The following SOS2 variants were observed in gnomAD, a reference collection of about 807,000 sequenced individuals.
The protein encoded by SOS2 is SOS Ras/Rho guanine nucleotide exchange factor 2.
SOS2 carries 65 observed loss-of-function variants against 148.2 expected under a neutral mutation model. That is an observed-to-expected ratio of 0.44 (90% CI 0.36 to 0.54). The LOEUF (loss-of-function observed/expected upper bound fraction) is 0.54, where lower values mean the gene tolerates loss of function less well. SOS2 is among the 20% of genes least tolerant of loss of function. The pLI, the probability that SOS2 is intolerant of heterozygous loss-of-function variation, is 0.00. For missense variants in SOS2, 1,341 were observed against 1,590.2 expected (o/e 0.84, Z 2.67); for synonymous variants, 539 against 537.1 (o/e 1.00, Z -0.05).
At position 50,193,015 on chromosome 14, in the gene SOS2, T is replaced by G. The variant is rs1034253108; in HGVS notation, c.511-4315A>C. ...CTCTCACCTTTTTTTTGGTTTTTTTTGTCCACTGTTGCCCAATGGCACAAT... is the reference window on the plus strand; with the variant it reads ...CTCTCACCTTTTTTTTGGTTTTTTTGGTCCACTGTTGCCCAATGGCACAAT... On this transcript the variant is annotated intron_variant, in intron 4 of 22. Transcript: ENST00000216373. Among the ~76,000 whole-genome samples, 16 of 152,292 alleles carry G rather than the reference T, an allele frequency of 1.1e-4. No homozygotes were observed. In the South Asian group the frequency reaches 1.5e-3, roughly 14 times the overall value.
chr14:50,187,001 A>G (rs909886638), intron 5 of SOS2, among the ~76,000 whole-genome samples: 3 of 152,228 alleles, frequency 2.0e-5, no homozygotes, highest in Non-Finnish European at 4.4e-5. Flanking sequence ...TACAAGATAA[A>G]TAAGACAAAG....
chr14:50,146,640 C>CT (rs1317207577), intron 14 of SOS2, among the ~76,000 whole-genome samples: 1 of 152,094 alleles, frequency 6.6e-6, no homozygotes, highest in Non-Finnish European at 1.5e-5. Flanking sequence ...GAGTGAGACT[C>CT]TGTCTCAAAA....
At chr14:50,182,726 A>C (rs1885782656) in intron 5 of SOS2, 120 bp from the exon 6 acceptor site, 1 of 711,992 alleles carries the variant, frequency 1.4e-6, no homozygotes, top group Admixed American at 2.8e-5. Context: ...GCCCTGCTCC[A>C]CAAGAAACAG....
intron 1 of SOS2, among the ~76,000 whole-genome samples, chr14:50,224,264 CTGGG>C (rs1358264481): frequency 2.1e-5 from 3 of 145,510 alleles, no homozygotes; most frequent in Non-Finnish European, 4.5e-5. Flanking sequence ...GCACTCCAGC[CTGGG>C]TGACAGAGCA....
At chr14:50,228,399 T>C (rs1049820839) in intron 1 of SOS2, among the ~76,000 whole-genome samples, 2 of 152,120 alleles carry the variant, frequency 1.3e-5, no homozygotes, top group African/African-American at 4.8e-5. Context: ...CTCTTTTATG[T>C]TTCTTGTAGG....
At chr14:50,200,408 T>G (rs1886450781) in intron 3 of SOS2, among the ~76,000 whole-genome samples, 1 of 152,120 alleles carries the variant, frequency 6.6e-6, no homozygotes, top group South Asian at 2.1e-4. Context: ...AAATAATCTG[T>G]GATAATATAA....
At position 50,145,467 on chromosome 14, in the gene SOS2, T is replaced by A. The variant is rs374162451; in HGVS notation, c.2504+10A>T. 1 of 1,596,152 alleles carries A rather than the reference T, an allele frequency of 6.3e-7. No individual in the cohort carries two copies. The highest frequency in any genetic ancestry group is 8.5e-7 in the Non-Finnish European group (1 of 1,170,286). Reference sequence around the variant, plus strand: ...CTATTAGGAGGTAGTAAGAGTAAATTAAAACTTACTTTTCAAACCAGAGGG... The same window carrying A: ...CTATTAGGAGGTAGTAAGAGTAAATAAAAACTTACTTTTCAAACCAGAGGG... On this transcript the variant is annotated intron_variant, in intron 15 of 22. Coordinates refer to ENST00000216373, the MANE Select transcript of SOS2 (RefSeq NM_006939.4).
chr14:50,193,415 A>G (rs932525727), intron 4 of SOS2, among the ~76,000 whole-genome samples: 1 of 152,094 alleles, frequency 6.6e-6, no homozygotes, highest in African/African-American at 2.4e-5. Context: ...TACTATTTTC[A>G]TTAGTAGTAA....
Position 50,229,819 on chromosome 14 carries a change from C to T in SOS2, c.87+1378G>A, listed in dbSNP as rs376907213. Among the ~76,000 whole-genome samples, 4 of 152,220 alleles carry T rather than the reference C, an allele frequency of 2.6e-5. No individual in the cohort carries two copies. The East Asian group carries it at 5.8e-4, about 22-fold the overall frequency. On this transcript the variant is annotated intron_variant, in intron 1 of 22. Transcript: ENST00000216373. Reference sequence around the variant, plus strand: ...ACAATATAGGCCTACCTGATTACTGCACTCACACTTGTCTGTGGTCAAAGG... The same window carrying T: ...ACAATATAGGCCTACCTGATTACTGTACTCACACTTGTCTGTGGTCAAAGG...
At chr14:50,212,702 G>T (rs924460276) in intron 1 of SOS2, among the ~76,000 whole-genome samples, 2 of 152,120 alleles carry the variant, frequency 1.3e-5, no homozygotes, top group Non-Finnish European at 2.9e-5. Flanking sequence ...AATTGAGGGG[G>T]GAAATTATCA....
At chr14:50,143,229 AC>A (rs757014200) in intron 16 of SOS2, among the ~76,000 whole-genome samples, 15 of 151,782 alleles carry the variant, frequency 9.9e-5, no homozygotes, top group Middle Eastern at 3.4e-3. Context: ...AGAGGCTGGG[AC>A]AGGACGATCC....
intron 4 of SOS2, among the ~76,000 whole-genome samples, chr14:50,191,521 C>T (rs1886138586): frequency 6.6e-6 from 1 of 152,104 alleles, no homozygotes; most frequent in Admixed American, 6.6e-5. Flanking sequence ...TTTTTCTCTT[C>T]TTGGCTTCTG....
In SOS2 at chr14:50,142,010, C is replaced by CT. The variant is rs143071093; in HGVS notation, c.2668-1952dup. On this transcript the variant is annotated intron_variant, in intron 16 of 22. Transcript: ENST00000216373. ...ACATTTATTAAATACATTAATATTT[C>CT]TTTTTTTTTTTTTTTGAGATGGAAT... 7.1e-3 allele frequency among the ~76,000 whole-genome samples: 1,012 copies of CT among 142,984 alleles called. 7 individuals carry two copies. The highest frequency in any genetic ancestry group is 0.018 in the African/African-American group (705 of 39,152). 93.8% of individuals were successfully genotyped at this position (142,984 alleles called of 152,430 possible).
intron 5 of SOS2, among the ~76,000 whole-genome samples, chr14:50,187,774 A>T (rs897629844): frequency 6.6e-6 from 1 of 152,250 alleles, no homozygotes; most frequent in African/African-American, 2.4e-5. Flanking sequence ...TTTTATTTTT[A>T]AAAGTTCCAC....
At chr14:50,209,274 C>CGTGTGTGTGTGTGTGTGTGT (rs140994310) in intron 1 of SOS2, among the ~76,000 whole-genome samples, 2,908 of 118,290 alleles carry the variant, frequency 0.025, 182 homozygotes, top group Non-Finnish European at 0.036. Context: ...CCTTAAATGT[C>CGTGTGTGTGTGTGTGTGTGT]GTGTGTGTGT....
intron 11 of SOS2, among the ~76,000 whole-genome samples, chr14:50,157,408 G>A (rs143012526): frequency 1.5e-4 from 23 of 152,202 alleles, no homozygotes; most frequent in East Asian, 5.8e-4. Context: ...TAAAGAACAT[G>A]ACAGAAATTG....
Position 50,159,944 on chromosome 14 carries a change from G to C in SOS2, c.1339C>G (p.Pro447Ala). The C allele has an allele frequency of 6.2e-7, 1 of 1,614,086 alleles. No individual in the cohort carries two copies. Among genetic ancestry groups the C allele is most frequent in the African/African-American group, 1.3e-5 (1 of 75,030 alleles). ...TGTTTGGCACCGATTCTTGTCAATGGTCCCTCCATAATGAATTCATTACAA... is the reference window on the plus strand; with the variant it reads ...TGTTTGGCACCGATTCTTGTCAATGCTCCCTCCATAATGAATTCATTACAA... Reference protein sequence around the residue: ...QCCNEFIMEGPLTRIGAKHER... With the variant: ...QCCNEFIMEGALTRIGAKHER... Residue 447 changes from proline to alanine, a missense_variant, in exon 10 of 23, where the codon CCA becomes GCA. Coordinates refer to ENST00000216373, the MANE Select transcript of SOS2 (RefSeq NM_006939.4).
At chr14:50,140,355 G>C (rs1273911402) in intron 16 of SOS2, among the ~76,000 whole-genome samples, 3 of 152,204 alleles carry the variant, frequency 2.0e-5, no homozygotes, top group Admixed American at 6.5e-5. Flanking sequence ...AGCTGTAGAA[G>C]ATGAAAATTA....
intron 8 of SOS2, among the ~76,000 whole-genome samples, chr14:50,168,427 G>T (rs1324757313): frequency 6.6e-6 from 1 of 152,060 alleles, no homozygotes; most frequent in Non-Finnish European, 1.5e-5. Flanking sequence ...TCACTATATT[G>T]CCCAGGCTGG....
Sources: allele counts gnomAD v4.1 joint callset (sites outside exome capture counted in the v4.1 genomes callset), GRCh38; gene constraint gnomAD v4.1.1; transcripts MANE v1.5; gene names NCBI Gene and HGNC (gene_info 2026-07-23, HGNC 2026-07-21).